Variants in HDAC9 observed in about 807,000 individuals in gnomAD.
The protein encoded by HDAC9 is MEF-2 interacting transcription repressor (MITR) protein.
Under a neutral mutation model 139.4 loss-of-function variants are expected in HDAC9, and 41 were observed. The ratio of observed to expected loss-of-function variants is 0.29; its 90% CI spans 0.23 to 0.38. HDAC9 has a LOEUF of 0.38. Among genes scored for constraint, HDAC9 ranks in the 10% least tolerant of loss-of-function variants. The pLI, the probability that HDAC9 is intolerant of heterozygous loss-of-function variation, is 1.00. For synonymous variants in HDAC9, 517 were observed against 476.2 expected (o/e 1.09, Z -1.12); for missense variants, 1,147 against 1,297.0 (o/e 0.88, Z 1.78).
At chr7:18,991,373 G>GTGT (rs1563113948) in intron 25 of HDAC9, among the ~76,000 whole-genome samples, 121 of 152,316 alleles carry the variant, frequency 7.9e-4, no homozygotes, top group African/African-American at 2.8e-3. Context: ...GGGCACAGTG[G>GTGT]CTCATGCCTG....
chr7:18,154,700 T>G (rs1262520398), intron 1 of HDAC9, among the ~76,000 whole-genome samples: 2 of 152,218 alleles, frequency 1.3e-5, no homozygotes, highest in Non-Finnish European at 2.9e-5. Context: ...AGAGTTGAGT[T>G]GCAGCATTAA....
chr7:18,663,900 A>T (rs1204315555), intron 11 of HDAC9, among the ~76,000 whole-genome samples: 1 of 152,100 alleles, frequency 6.6e-6, no homozygotes, highest in Non-Finnish European at 1.5e-5. Context: ...TGCAGCACTG[A>T]CTGATAGTCT....
chr7:18,510,934 A>G (rs1041883691), intron 2 of HDAC9, among the ~76,000 whole-genome samples: 2 of 152,192 alleles, frequency 1.3e-5, no homozygotes, highest in Admixed American at 1.3e-4. Context: ...ATAAATTAGG[A>G]TAAGGGCATT....
intron 2 of HDAC9, among the ~76,000 whole-genome samples, chr7:18,234,872 G>C (rs1793710354): frequency 1.3e-5 from 2 of 152,216 alleles, no homozygotes; most frequent in South Asian, 2.1e-4. Context: ...GGAACATTTG[G>C]AGATGGAGAG....
intron 16 of HDAC9, among the ~76,000 whole-genome samples, chr7:18,770,559 G>A (rs966836417): frequency 5.3e-5 from 8 of 152,084 alleles, no homozygotes; most frequent in African/African-American, 1.9e-4. Flanking sequence ...ACCCACAAAA[G>A]CAAGGACGAG....
At chr7:18,183,708 A>G (rs1474689629) in intron 2 of HDAC9, among the ~76,000 whole-genome samples, 3 of 152,094 alleles carry the variant, frequency 2.0e-5, no homozygotes, top group African/African-American at 7.2e-5. Flanking sequence ...TGATCTCAAA[A>G]TCTTGGCCTC....
chr7:18,715,580 G>T (rs996551425), intron 12 of HDAC9, among the ~76,000 whole-genome samples: 1 of 152,086 alleles, frequency 6.6e-6, no homozygotes, highest in Non-Finnish European at 1.5e-5. Flanking sequence ...TGTTTTCTTG[G>T]AATGAGAGGG....
At chr7:18,121,999 G>A (rs1273429506) in intron 1 of HDAC9, among the ~76,000 whole-genome samples, 1 of 151,720 alleles carries the variant, frequency 6.6e-6, no homozygotes, top group African/African-American at 2.4e-5. Context: ...TTTATGAAAT[G>A]AAGGCATTCT....
intron 7 of HDAC9, among the ~76,000 whole-genome samples, chr7:18,631,626 C>G (rs566507132): frequency 6.6e-6 from 1 of 152,158 alleles, no homozygotes; most frequent in South Asian, 2.1e-4. Flanking sequence ...TTTTCAAACT[C>G]ATTCCACTCA....
chr7:18,466,139 A>G (rs1253623150), intron 1 of HDAC9, among the ~76,000 whole-genome samples: 1 of 152,116 alleles, frequency 6.6e-6, no homozygotes, highest in East Asian at 1.9e-4. Flanking sequence ...CTTAACGATG[A>G]CCACTCGCAG....
chr7:18,103,574 T>A (rs774086332), intron 1 of HDAC9, among the ~76,000 whole-genome samples: 20 of 152,098 alleles, frequency 1.3e-4, no homozygotes, highest in Admixed American at 7.2e-4. Flanking sequence ...CAGCTTGGAG[T>A]CTTGTCTAAC....
chr7:18,993,730 G>C lies in HDAC9; in HGVS notation c.3171-2293G>C, dbSNP rs542776561. ...AGGTAGGAGAATGGCTTGAGCCCGG[G>C]AGGTTGAGGCTGCAGTTAGCTGTGA... On this transcript the variant is annotated intron_variant, in intron 25 of 25. Transcript: ENST00000686413. Among the ~76,000 whole-genome samples, 187 of 152,162 alleles carry C rather than the reference G, an allele frequency of 1.2e-3. 1 individual carries two copies. The highest frequency in any genetic ancestry group is 4.4e-3 in the African/African-American group (182 of 41,522).
chr7:18,251,492 G>C (rs190884313), intron 2 of HDAC9, among the ~76,000 whole-genome samples: 1 of 152,180 alleles, frequency 6.6e-6, no homozygotes, highest in East Asian at 1.9e-4. Flanking sequence ...CCTGTGCATT[G>C]TGCACATGTA....
chr7:18,752,533 T>G (rs948575811), intron 14 of HDAC9, among the ~76,000 whole-genome samples: 1 of 152,244 alleles, frequency 6.6e-6, no homozygotes, highest in Middle Eastern at 3.4e-3. Context: ...CCTAGTTGTG[T>G]CTAAAACACG....
At chr7:18,920,605 A>G (rs1206668206) in intron 22 of HDAC9, among the ~76,000 whole-genome samples, 4 of 152,134 alleles carry the variant, frequency 2.6e-5, no homozygotes, top group Non-Finnish European at 5.9e-5. Flanking sequence ...GTTTTTGTCC[A>G]TTCAGTAAGA....
At chr7:18,753,893 G>A (rs576506364) in intron 14 of HDAC9, among the ~76,000 whole-genome samples, 2 of 152,170 alleles carry the variant, frequency 1.3e-5, no homozygotes, top group Non-Finnish European at 2.9e-5. Context: ...GACACTAGAA[G>A]TGTTAAGCAG....
At chr7:18,981,153 T>C (rs2129341774) in intron 25 of HDAC9, among the ~76,000 whole-genome samples, 1 of 152,210 alleles carries the variant, frequency 6.6e-6, no homozygotes, top group African/African-American at 2.4e-5. Flanking sequence ...TTGGCCATCA[T>C]TCAGTAATCT....
intron 6 of HDAC9, among the ~76,000 whole-genome samples, chr7:18,607,121 A>G (rs1835737630): frequency 6.6e-6 from 1 of 152,228 alleles, no homozygotes; most frequent in Admixed American, 6.5e-5. Context: ...AATGAACAAA[A>G]TGATTTAAAT....
chr7:18,936,295 A>T (rs968012628), intron 23 of HDAC9, among the ~76,000 whole-genome samples: 14 of 152,206 alleles, frequency 9.2e-5, no homozygotes, highest in Non-Finnish European at 1.5e-4. Flanking sequence ...GGGAAAAAAA[A>T]ACTGTTTTAA....
Sources: gnomAD v4.1 joint callset for allele counts (sites outside exome capture counted in the v4.1 genomes callset) on GRCh38, gnomAD v4.1.1 for gene constraint, MANE v1.5 for transcripts, NCBI Gene and HGNC (gene_info 2026-07-23, HGNC 2026-07-21) for gene names.